The following GLIS1 variants were observed in gnomAD, a reference collection of about 807,000 sequenced individuals.
GLIS1 encodes the protein zinc finger protein GLIS1.
GLIS1 carries 24 observed loss-of-function variants against 63.8 expected under a neutral mutation model. That is an observed-to-expected ratio of 0.38 (90% CI 0.27 to 0.53). The LOEUF is 0.53. Ranked by LOEUF, GLIS1 falls within the 20% of genes least tolerant of loss-of-function variation. The probability of loss-of-function intolerance (pLI) is 0.85; values close to 1 mark genes in which losing one functional copy is unlikely to be tolerated. For synonymous variants in GLIS1, 450 were observed against 482.5 expected (o/e 0.93, Z 0.88); for missense variants, 1,036 against 1,074.1 (o/e 0.96, Z 0.50).
Position 53,526,566 on chromosome 1 carries a change from C to CCACA in GLIS1, c.1483-1683_1483-1680dup, listed in dbSNP as rs4061942. ...ACACACACACACAAAACCACCACCA[C>CCACA]CACACACACACACCACACCATACAC... On this transcript the variant is annotated intron_variant, in intron 5 of 10. Transcript: ENST00000628545. The surrounding 1 kb of genome is among the most constrained non-coding windows in gnomAD (Gnocchi z 4.4). Among the ~76,000 whole-genome samples, 1 of 151,402 alleles carries CCACA rather than the reference C, an allele frequency of 6.6e-6. No homozygotes were observed. The highest frequency in any genetic ancestry group is 2.4e-5 in the African/African-American group (1 of 41,138).
At chr1:53,524,112 A>C (rs10888794) in intron 6 of GLIS1, among the ~76,000 whole-genome samples, 117,508 of 152,260 alleles carry the variant, frequency 0.77, 47,912 homozygotes, top group East Asian at 0.98. Context: ...TTTACTCCTG[A>C]CCGCAGCTGT....
chr1:53,552,274 T>G (rs1644767847), intron 4 of GLIS1, among the ~76,000 whole-genome samples: 1 of 151,888 alleles, frequency 6.6e-6, no homozygotes, highest in African/African-American at 2.4e-5. Context: ...TGTGTCCCGG[T>G]AGGAGGGGGA....
intron 10 of GLIS1, 133 bp from the exon 11 acceptor site, chr1:53,506,909 G>A: frequency 1.1e-6 from 1 of 936,118 alleles, no homozygotes; most frequent in Non-Finnish European, 1.6e-6. Flanking sequence ...GGCCTGCTTG[G>A]AGCCCCCAAC....
chr1:53,653,418 G>T (rs752108837), intron 2 of GLIS1, among the ~76,000 whole-genome samples: 43 of 152,070 alleles, frequency 2.8e-4, no homozygotes, highest in Non-Finnish European at 5.6e-4. Flanking sequence ...TCACAGCCCG[G>T]CGACCCCTGC....
intron 8 of GLIS1, among the ~76,000 whole-genome samples, chr1:53,513,195 T>G (rs1357681627): frequency 1.3e-5 from 2 of 152,056 alleles, no homozygotes; most frequent in Non-Finnish European, 2.9e-5. Flanking sequence ...TCGGATTTCC[T>G]ACTCCCGCTG....
intron 2 of GLIS1, among the ~76,000 whole-genome samples, chr1:53,692,971 G>A (rs1646423409): frequency 6.6e-6 from 1 of 152,194 alleles, no homozygotes; most frequent in Non-Finnish European, 1.5e-5. Context: ...CACCTCCAGA[G>A]CCCTTTTCTA....
chr1:53,703,190 A>G (rs1302862254), intron 2 of GLIS1, among the ~76,000 whole-genome samples: 1 of 152,228 alleles, frequency 6.6e-6, no homozygotes, highest in East Asian at 1.9e-4. Context: ...TGCATTTTCT[A>G]TGTGTTAACC....
intron 6 of GLIS1, among the ~76,000 whole-genome samples, chr1:53,523,803 A>T (rs1253467198): frequency 6.6e-6 from 1 of 151,796 alleles, no homozygotes; most frequent in Non-Finnish European, 1.5e-5. Context: ...CCTCAGGGTT[A>T]CCTCTCAAGG....
chr1:53,629,966 T>C lies in GLIS1; in HGVS notation c.260-29688A>G, dbSNP rs573914328. ...CGTTCATTCGTGAATTGGGGGTGAA[T>C]CTTCAAAAACTAAAAAAGAATTCCA... is the stretch of plus-strand genomic sequence containing the variant. On this transcript the variant is annotated intron_variant, in intron 2 of 10. Coordinates refer to ENST00000628545, the MANE Select transcript of GLIS1 (RefSeq NM_001367484.1). 4.3e-4 allele frequency among the ~76,000 whole-genome samples: 66 copies of C among 152,272 alleles called. 1 individual carries two copies. The highest frequency in any genetic ancestry group is 1.6e-3 in the African/African-American group (65 of 41,548).
intron 7 of GLIS1, among the ~76,000 whole-genome samples, chr1:53,516,610 C>T (rs982674973): frequency 2.6e-5 from 4 of 151,798 alleles, no homozygotes; most frequent in African/African-American, 7.3e-5. Flanking sequence ...GCCATGAATT[C>T]GAGACCAGCC....
intron 9 of GLIS1, 57 bp downstream of exon 9, chr1:53,509,792 G>A: frequency 9.4e-7 from 1 of 1,066,648 alleles, no homozygotes; most frequent in Non-Finnish European, 1.2e-6. Flanking sequence ...CGTTCCTCTG[G>A]GGTCCCTAAG....
intron 2 of GLIS1, among the ~76,000 whole-genome samples, chr1:53,620,319 C>T (rs934439477): frequency 6.6e-6 from 1 of 152,234 alleles, no homozygotes; most frequent in Non-Finnish European, 1.5e-5. Flanking sequence ...GCGCTGACAT[C>T]GCAGTGTACC....
At chr1:53,632,410 G>A (rs1482968229) in intron 2 of GLIS1, among the ~76,000 whole-genome samples, 2 of 150,870 alleles carry the variant, frequency 1.3e-5, no homozygotes, top group South Asian at 2.1e-4. Context: ...GAGTGTGACT[G>A]AGGGGCATGT....
At chr1:53,575,292 C>T (rs373401104) in intron 4 of GLIS1, among the ~76,000 whole-genome samples, 16 of 152,172 alleles carry the variant, frequency 1.1e-4, no homozygotes, top group African/African-American at 3.6e-4. Context: ...AACCCTCCTG[C>T]GGTCTCTGCA....
intron 2 of GLIS1, among the ~76,000 whole-genome samples, chr1:53,679,687 G>C (rs1311787480): frequency 6.6e-6 from 1 of 152,106 alleles, no homozygotes; most frequent in Non-Finnish European, 1.5e-5. Context: ...CCTCCTGGAC[G>C]GGCCCCTTGG....
At chr1:53,667,809 T>A (rs1646109953) in intron 2 of GLIS1, among the ~76,000 whole-genome samples, 1 of 152,122 alleles carries the variant, frequency 6.6e-6, no homozygotes, top group Non-Finnish European at 1.5e-5. Flanking sequence ...CATGAATGAG[T>A]GCGTAGACCT....
chr1:53,686,568 A>G (rs1646338823), intron 2 of GLIS1, among the ~76,000 whole-genome samples: 1 of 152,154 alleles, frequency 6.6e-6, no homozygotes, highest in South Asian at 2.1e-4. Flanking sequence ...TGGGAAGCTC[A>G]CAGACTGTGG....
chr1:53,621,548 G>A (rs141932051), intron 2 of GLIS1, among the ~76,000 whole-genome samples: 375 of 152,312 alleles, frequency 2.5e-3, no homozygotes, highest in Middle Eastern at 0.024. Context: ...AAATTACTTC[G>A]CCAAATGGCT....
rs11804584 is a variant in GLIS1 at position 53,702,637 on chromosome 1, G to A, written c.259+35169C>T. ...TAGCAGGATGTGAGGGGAGGGGGCT[G>A]CTCTCCAGGGCAGGGGTTACGGCCA... On this transcript the variant is annotated intron_variant, in intron 2 of 10. Transcript: ENST00000628545. Among the ~76,000 whole-genome samples, 1,107 of 152,314 alleles carry A rather than the reference G, an allele frequency of 7.3e-3. 19 individuals are homozygous for A. The highest frequency in any genetic ancestry group is 0.024 in the African/African-American group (996 of 41,572).
Sources: allele counts gnomAD v4.1 joint callset (sites outside exome capture counted in the v4.1 genomes callset), GRCh38; gene constraint gnomAD v4.1.1; non-coding constraint Gnocchi (gnomAD v3.1); transcripts MANE v1.5; gene names NCBI Gene and HGNC (gene_info 2026-07-23, HGNC 2026-07-21).